GOT1: variants seen among roughly 807,000 people sequenced by gnomAD.
GOT1 encodes aspartate aminotransferase, cytoplasmic.
In GOT1, 25 loss-of-function variants were observed where a neutral mutation model predicts 48.2. The observed-to-expected ratio is 0.52, with a 90% CI of 0.38 to 0.72. The LOEUF is 0.72. GOT1 is among the 30% of genes least tolerant of loss of function. The pLI is 0.00. For missense variants in GOT1, 380 were observed against 520.1 expected (o/e 0.73, Z 2.62); for synonymous variants, 188 against 193.8 (o/e 0.97, Z 0.25).
chr10:99,428,423 T>A lies in GOT1; in HGVS notation c.118+2025A>T, dbSNP rs148209710. 7.2e-5 allele frequency among the ~76,000 whole-genome samples: 11 copies of A among 152,220 alleles called. 1 individual carries two copies. The East Asian group carries it at 2.1e-3, about 29-fold the overall frequency. ...CCCAGGCTGGAGTACAATGGCGTGA[T>A]CTTGGCTCACTGCAACCGCCACCTC... On this transcript the variant is annotated intron_variant, in intron 1 of 8. Transcript: ENST00000370508.
intron 8 of GOT1, among the ~76,000 whole-genome samples, chr10:99,401,507 C>A (rs1356986964): frequency 6.6e-6 from 1 of 152,056 alleles, no homozygotes; most frequent in Non-Finnish European, 1.5e-5. Flanking sequence ...TGAGTCGCCA[C>A]ATCTGCACTG....
At chr10:99,422,149 A>G (rs1197537819) in intron 1 of GOT1, among the ~76,000 whole-genome samples, 1 of 152,038 alleles carries the variant, frequency 6.6e-6, no homozygotes, top group Non-Finnish European at 1.5e-5. Context: ...TGTGACAGTG[A>G]GTGAGTTCTC....
chr10:99,405,888 T>G (rs747483594), intron 4 of GOT1, 28 bp from the exon 5 acceptor site: 4 of 1,228,106 alleles, frequency 3.3e-6, no homozygotes, highest in Non-Finnish European at 3.6e-6. Flanking sequence ...ATGTCAGCTC[T>G]GACACTGATG....
intron 2 of GOT1, among the ~76,000 whole-genome samples, chr10:99,411,232 A>G (rs11190083): frequency 0.068 from 10,348 of 152,298 alleles, 428 homozygotes; most frequent in Middle Eastern, 0.11. Context: ...ATGAGTTATG[A>G]CCCATGAGCC....
At position 99,403,824 on chromosome 10, in the gene GOT1, A is replaced by G; in HGVS notation, c.693T>C (p.Ser231=). 1.2e-6 allele frequency: 2 copies of G among 1,614,130 alleles called. No individual in the cohort carries two copies. Among genetic ancestry groups the G allele is most frequent in the South Asian group, 2.2e-5 (2 of 91,080 alleles). Reference sequence around the variant, plus strand: ...CCCAGGCATCTCTCTCCAGGTTTCCAGATGCGAAGCCCTGATAGGCTGAGT... The same window carrying G: ...CCCAGGCATCTCTCTCCAGGTTTCCGGATGCGAAGCCCTGATAGGCTGAGT... ...FFDSAYQGFA[S]GNLERDAWAI... The change falls in exon 6 of 9, where the codon TCT becomes TCC. Residue 231 remains serine (S), a synonymous_variant. Transcript: ENST00000370508.
intron 1 of GOT1, among the ~76,000 whole-genome samples, chr10:99,427,436 T>C (rs1404794967): frequency 6.6e-6 from 1 of 151,998 alleles, no homozygotes; most frequent in Non-Finnish European, 1.5e-5. Context: ...GCCCTGCTAA[T>C]TTTTTTGTAT....
intron 2 of GOT1, among the ~76,000 whole-genome samples, chr10:99,417,166 T>C (rs1030803803): frequency 2.0e-5 from 3 of 152,178 alleles, no homozygotes; most frequent in African/African-American, 7.2e-5. Context: ...GAGAACATTT[T>C]TGCAATCTAC....
In GOT1 at chr10:99,402,570, G is replaced by T. The variant is rs778826194; in HGVS notation, c.1102+10C>A. The stretch of plus-strand genomic sequence containing the variant: ...GCACGCATGGGCTGGAGGTGGTGGG[G>T]GCCACTTACGGTTCAACCCAGTGAA... On this transcript the variant is annotated intron_variant, in intron 8 of 8. Coordinates refer to ENST00000370508, the MANE Select transcript of GOT1 (RefSeq NM_002079.3). 4 of 1,613,950 alleles carry T rather than the reference G, an allele frequency of 2.5e-6. No individual in the cohort carries two copies. Among genetic ancestry groups the T allele is most frequent in the Non-Finnish European group, 3.4e-6 (4 of 1,179,962 alleles).
intron 7 of GOT1, 21 bp from the exon 8 acceptor site, chr10:99,402,743 T>C (rs1407246608): frequency 6.2e-7 from 1 of 1,606,186 alleles, no homozygotes; most frequent in East Asian, 2.2e-5. Context: ...GACAGTGACG[T>C]AAATACCAAT....
intron 1 of GOT1, among the ~76,000 whole-genome samples, chr10:99,427,922 G>A (rs1160246838): frequency 1.3e-5 from 2 of 152,190 alleles, no homozygotes; most frequent in African/African-American, 2.4e-5. Context: ...AGAGTTGTGA[G>A]CATTCAGTGA....
At chr10:99,420,412 GATCT>G in intron 2 of GOT1, 1 of 508,098 alleles carries the variant, frequency 2.0e-6, no homozygotes, top group East Asian at 3.3e-5. Context: ...AAAATCTGAT[GATCT>G]ACTGGGCAAA....
chr10:99,402,491 G>A lies in GOT1; in HGVS notation c.1102+89C>T, dbSNP rs952936736. ...GGCTGCCCAATTAGGCAAAGGCTGT[G>A]AAAGTGAGCTCAGCTCAAGGCGAGC... On this transcript the variant is annotated intron_variant, in intron 8 of 8. Transcript: ENST00000370508. 8.4e-6 allele frequency: 12 copies of A among 1,429,132 alleles called. No individual in the cohort carries two copies. In the African/African-American group the frequency reaches 1.5e-4, roughly 18 times the overall value. 88.5% of individuals were successfully genotyped at this position (1,429,132 alleles called of 1,614,324 possible).
chr10:99,399,356 T>C (rs1019452232), intron 8 of GOT1, among the ~76,000 whole-genome samples: 7 of 152,252 alleles, frequency 4.6e-5, no homozygotes, highest in Non-Finnish European at 8.8e-5. Context: ...CTGCCTGCCA[T>C]AATCTGTTCT....
chr10:99,406,595 C>T, intron 3 of GOT1, 131 bp downstream of exon 3: 3 of 836,794 alleles, frequency 3.6e-6, no homozygotes, highest in Non-Finnish European at 5.8e-6. Flanking sequence ...CTGCCATAAC[C>T]CACTGTTCAA....
chr10:99,404,278 T>C (rs1476695350), intron 5 of GOT1, among the ~76,000 whole-genome samples: 1 of 152,024 alleles, frequency 6.6e-6, no homozygotes, highest in Non-Finnish European at 1.5e-5. Context: ...GGGAACAGAG[T>C]AGCCTCCATT....
At chr10:99,417,738 T>G (rs1378930240) in intron 2 of GOT1, among the ~76,000 whole-genome samples, 4 of 152,114 alleles carry the variant, frequency 2.6e-5, no homozygotes, top group African/African-American at 9.7e-5. Flanking sequence ...AAGGATGAGT[T>G]CATGTCCTTT....
chr10:99,400,293 A>C (rs753241206), intron 8 of GOT1, among the ~76,000 whole-genome samples: 2 of 152,256 alleles, frequency 1.3e-5, no homozygotes, highest in African/African-American at 2.4e-5. Flanking sequence ...GAATTGTAGA[A>C]ACTAGGTGGC....
intron 2 of GOT1, among the ~76,000 whole-genome samples, chr10:99,419,061 A>G (rs182512756): frequency 1.1e-4 from 17 of 152,310 alleles, no homozygotes; most frequent in Admixed American, 9.8e-4. Flanking sequence ...TACATGTACA[A>G]ATGTATGGGT....
At chr10:99,407,583 C>T (rs1257694718) in intron 2 of GOT1, among the ~76,000 whole-genome samples, 2 of 151,960 alleles carry the variant, frequency 1.3e-5, no homozygotes, top group Non-Finnish European at 2.9e-5. Flanking sequence ...CAGGCGCCTG[C>T]CACCATGCCC....
Sources: allele counts gnomAD v4.1 joint callset (sites outside exome capture counted in the v4.1 genomes callset), GRCh38; gene constraint gnomAD v4.1.1; transcripts MANE v1.5; gene names NCBI Gene and HGNC (gene_info 2026-07-23, HGNC 2026-07-21).